Variants in DLGAP2 observed in about 807,000 individuals in gnomAD.
The protein encoded by DLGAP2 is DLG associated protein 2.
A neutral mutation model predicts 100.3 loss-of-function variants in DLGAP2; 26 were observed. The observed-to-expected ratio is 0.26, with a 90% confidence interval of 0.19 to 0.36. The LOEUF is 0.36. Among genes scored for constraint, DLGAP2 ranks in the 10% least tolerant of loss-of-function variants. DLGAP2 has a pLI of 1.00. For synonymous variants in DLGAP2, 886 were observed against 630.1 expected (o/e 1.41, Z -6.08); for missense variants, 1,858 against 1,453.2 (o/e 1.28, Z -4.53).
In DLGAP2 at chr8:1,345,327, T is replaced by G. The variant is rs115789326; in HGVS notation, c.106+86444T>G. On this transcript the variant is annotated intron_variant, in intron 3 of 14. Transcript: ENST00000637795. ...GAGCAGAGTGTGCGGTTGTTCTGTT[T>G]CTCTTCGCCAAACACACTTGTTAGA... 3.0e-3 allele frequency among the ~76,000 whole-genome samples: 460 copies of G among 152,296 alleles called. 3 individuals are homozygous for G. The highest frequency in any genetic ancestry group is 0.01 in the African/African-American group (435 of 41,560).
At position 836,766 on chromosome 8, in the gene DLGAP2, G is replaced by A. The variant is rs184635883; in HGVS notation, c.19-71146G>A. On this transcript the variant is annotated intron_variant, in intron 1 of 14. Transcript: ENST00000637795. ...CGAGGGCGTTTCATGTGAACACCAC[G>A]TTAACAAGCTGCTTATTTAAAGATG... 2.4e-3 allele frequency among the ~76,000 whole-genome samples: 365 copies of A among 152,304 alleles called. 2 individuals carry two copies. The highest frequency in any genetic ancestry group is 8.5e-3 in the African/African-American group (352 of 41,574).
At chr8:910,401 G>A (rs1248594414) in intron 2 of DLGAP2, 3 of 152,172 alleles carry the variant, frequency 2.0e-5, no homozygotes, top group African/African-American at 7.2e-5. Flanking sequence ...GCTGTGAAGC[G>A]TCAGAGGGAA....
intron 3 of DLGAP2, among the ~76,000 whole-genome samples, chr8:1,349,553 C>G (rs1482362642): frequency 6.8e-6 from 1 of 147,602 alleles, no homozygotes; most frequent in African/African-American, 2.5e-5. Context: ...CGCCCACATC[C>G]ACACACAGAT....
At chr8:1,154,643 G>C (rs544835679) in intron 2 of DLGAP2, among the ~76,000 whole-genome samples, 1 of 152,220 alleles carries the variant, frequency 6.6e-6, no homozygotes, top group African/African-American at 2.4e-5. Context: ...AACCCCAGCA[G>C]CCAGTTACAC....
At chr8:1,176,764 A>G (rs1296671238) in intron 2 of DLGAP2, among the ~76,000 whole-genome samples, 2 of 151,990 alleles carry the variant, frequency 1.3e-5, no homozygotes. Context: ...AGAGATGGTC[A>G]CTGGGTCCCT....
chr8:1,002,010 C>G (rs532848049), intron 2 of DLGAP2: 1 of 152,188 alleles, frequency 6.6e-6, no homozygotes, highest in African/African-American at 2.4e-5. Context: ...ATATACGATA[C>G]GGGCACTTAG....
At chr8:754,616 G>C (rs1184724381) in intron 1 of DLGAP2, among the ~76,000 whole-genome samples, 1 of 152,214 alleles carries the variant, frequency 6.6e-6, no homozygotes, top group Non-Finnish European at 1.5e-5. Context: ...TGCTCTGCGA[G>C]GCCAAGGAGG....
intron 4 of DLGAP2, among the ~76,000 whole-genome samples, chr8:1,540,254 G>T (rs138624833): frequency 1.3e-5 from 2 of 152,110 alleles, no homozygotes; most frequent in African/African-American, 4.8e-5. Flanking sequence ...CTTGCCCCGC[G>T]TTTTTTAGAG....
At chr8:1,507,909 G>A (rs1200280904) in intron 4 of DLGAP2, among the ~76,000 whole-genome samples, 1 of 149,920 alleles carries the variant, frequency 6.7e-6, no homozygotes, top group African/African-American at 2.5e-5. Context: ...CCCAATGGGA[G>A]CATCGTGACC....
intron 3 of DLGAP2, among the ~76,000 whole-genome samples, chr8:1,460,068 T>C (rs997670328): frequency 1.3e-5 from 2 of 152,230 alleles, no homozygotes; most frequent in Non-Finnish European, 2.9e-5. Context: ...CCATCCCATG[T>C]CAAGAACACG....
intron 1 of DLGAP2, among the ~76,000 whole-genome samples, chr8:870,489 C>T (rs752309417): frequency 1.4e-4 from 21 of 152,240 alleles, no homozygotes; most frequent in Non-Finnish European, 2.6e-4. Flanking sequence ...TTCAAATTTC[C>T]TGCACTTTCT....
Position 1,444,324 on chromosome 8 carries a change from C to T in DLGAP2, c.107-57042C>T, listed in dbSNP as rs114558794. Among the ~76,000 whole-genome samples the T allele has an allele frequency of 7.5e-3, 1,141 of 152,310 alleles. 15 individuals carry two copies. The highest frequency in any genetic ancestry group is 0.025 in the African/African-American group (1,052 of 41,558). ...AACTCCATATTAATGGGCACTTACA[C>T]GGTATTAGAGTTTTTAACTGTTAAC... On this transcript the variant is annotated intron_variant, in intron 3 of 14. Coordinates refer to ENST00000637795, the MANE Select transcript of DLGAP2 (RefSeq NM_001346810.2).
Position 1,603,892 on chromosome 8 carries a change from C to T in DLGAP2, c.1443-22848C>T, listed in dbSNP as rs530140276. ...GACCACTTAATATTTGGTGAGATTC[C>T]ATGCAAATTACTAAACTCAAGTTGC... On this transcript the variant is annotated intron_variant, in intron 6 of 14. Coordinates refer to ENST00000637795, the MANE Select transcript of DLGAP2 (RefSeq NM_001346810.2). Among the ~76,000 whole-genome samples the T allele has an allele frequency of 2.0e-5, 3 of 152,200 alleles. No homozygotes were observed. In the South Asian group the frequency reaches 6.2e-4, roughly 32 times the overall value.
intron 6 of DLGAP2, among the ~76,000 whole-genome samples, chr8:1,607,521 G>T (rs537030900): frequency 1.3e-5 from 2 of 152,216 alleles, no homozygotes; most frequent in South Asian, 4.1e-4. Flanking sequence ...AGGAAAATAA[G>T]ATTTTTAGAA....
chr8:1,556,727 G>C (rs550293671), intron 5 of DLGAP2, among the ~76,000 whole-genome samples: 1 of 152,302 alleles, frequency 6.6e-6, no homozygotes, highest in East Asian at 1.9e-4. Context: ...AATAAAGTGG[G>C]CAGCTGAACT....
chr8:1,414,211 T>A (rs28380584), intron 3 of DLGAP2, among the ~76,000 whole-genome samples: 2 of 152,140 alleles, frequency 1.3e-5, no homozygotes, highest in Non-Finnish European at 2.9e-5. Flanking sequence ...TCTGAGAAAG[T>A]GCTAAAGCTG....
intron 4 of DLGAP2, among the ~76,000 whole-genome samples, chr8:1,540,504 A>T (rs1046666602): frequency 6.6e-6 from 1 of 152,210 alleles, no homozygotes; most frequent in East Asian, 1.9e-4. Context: ...AAACCTCTCC[A>T]ATTCTGTAAT....
chr8:1,238,559 A>T (rs1176585751), intron 2 of DLGAP2, among the ~76,000 whole-genome samples: 8 of 71,730 alleles, frequency 1.1e-4, no homozygotes, highest in African/African-American at 4.3e-4. Flanking sequence ...TGCCGTGTCT[A>T]GTTCTCTCCC....
intron 2 of DLGAP2, among the ~76,000 whole-genome samples, chr8:1,257,440 C>G (rs542529578): frequency 1.3e-5 from 2 of 152,250 alleles, no homozygotes; most frequent in Non-Finnish European, 2.9e-5. Context: ...CCTCCACCCC[C>G]CCGCCCCATC....
Sources: allele counts gnomAD v4.1 joint callset (sites outside exome capture counted in the v4.1 genomes callset), GRCh38; gene constraint gnomAD v4.1.1; transcripts MANE v1.5; gene names NCBI Gene and HGNC (gene_info 2026-07-23, HGNC 2026-07-21).